SAMD5: variants seen among roughly 807,000 people sequenced by gnomAD.
The protein encoded by SAMD5 is sterile alpha motif domain-containing protein 5.
A neutral mutation model predicts 11.3 loss-of-function variants in SAMD5; 13 were observed. The ratio of observed to expected loss-of-function variants is 1.15; its 90% confidence interval spans 0.75 to 1.83. SAMD5 has a LOEUF of 1.83. SAMD5 is among the 40% of genes most tolerant of loss of function. SAMD5 has a pLI of 0.00. For synonymous variants in SAMD5, 129 were observed against 111.3 expected (o/e 1.16, Z -1.00); for missense variants, 255 against 239.1 (o/e 1.07, Z -0.44).
chr6:147,838,252 A>G, the SAMD5 span, among the ~76,000 whole-genome samples: 1 of 152,198 alleles, frequency 6.6e-6, no homozygotes, highest in African/African-American at 2.4e-5. Context: ...TAAATTAGCC[A>G]TCAAAAAGTT....
intron 1 of SAMD5, among the ~76,000 whole-genome samples, chr6:147,512,888 A>G (rs374339375): frequency 2.6e-5 from 4 of 152,316 alleles, no homozygotes; most frequent in South Asian, 4.1e-4. Flanking sequence ...TGAGAAGTAC[A>G]TGATACCATG....
chr6:147,509,211 C>G lies in SAMD5; in HGVS notation c.283C>G (p.Arg95Gly). The change falls in exon 1 of 2, where the codon CGG becomes GGG. Residue 95 changes from arginine to glycine, a missense_variant. By Grantham distance (125) the Arg-to-Gly change is moderately radical. Transcript: ENST00000367474. The part of the protein sequence containing the change: ...PPADAVPTGR[R>G]GEPCGGPAQG... ...CGCCGACGCCGTCCCCACCGGCCGC[C>G]GGGGGGAGCCGTGCGGCGGCCCGGC... 7.7e-7 allele frequency: 1 copy of G among 1,305,172 alleles called. No homozygotes were observed. The highest frequency in any genetic ancestry group is 2.6e-5 in the South Asian group (1 of 38,564). The allele number at this position is 1,305,172 out of a possible 1,614,324, so 80.8% of individuals were successfully genotyped here. A position where few individuals can be genotyped will look rare whatever the true frequency, so the allele number is the denominator to read the frequency against.
chr6:147,908,493 G>A, the SAMD5 span, among the ~76,000 whole-genome samples: 71,509 of 151,926 alleles, frequency 0.47, 17,704 homozygotes, highest in African/African-American at 0.63. Flanking sequence ...CTAACCTAAC[G>A]TGGTGCCTGC....
the SAMD5 span, among the ~76,000 whole-genome samples, chr6:147,824,512 G>A: frequency 0.18 from 27,768 of 151,996 alleles, 2,716 homozygotes; most frequent in Middle Eastern, 0.27. Context: ...GGTCCTCAGC[G>A]CTCCTTGATG....
Position 147,569,280 on chromosome 6 carries a change from G to A in SAMD5, c.*4824G>A, listed in dbSNP as rs768319626. 1 of 383,618 alleles carries A rather than the reference G, an allele frequency of 2.6e-6. No individual in the cohort carries two copies. Among genetic ancestry groups the A allele is most frequent in the African/African-American group, 2.2e-5 (1 of 44,516 alleles). The allele number at this position is 383,618 out of a possible 1,614,324, so 23.8% of individuals were successfully genotyped here. A position where few individuals can be genotyped will look rare whatever the true frequency, so the allele number is the denominator to read the frequency against. ...TGAAGAACATAACTTTTCTACTTAT[G>A]AAATAGATAATTTTTTAAAATTGTT... is the stretch of plus-strand genomic sequence containing the variant. On this transcript the variant is annotated 3_prime_UTR_variant, in exon 2 of 2. Coordinates refer to ENST00000367474, the MANE Select transcript of SAMD5 (RefSeq NM_001030060.3).
chr6:147,818,725 G>T, the SAMD5 span, among the ~76,000 whole-genome samples: 2 of 152,136 alleles, frequency 1.3e-5, no homozygotes, highest in African/African-American at 4.8e-5. Flanking sequence ...CTCTGGTCTG[G>T]AAAGAGACAG....
intron 1 of SAMD5, among the ~76,000 whole-genome samples, chr6:147,674,601 C>T (rs565701071): frequency 5.3e-5 from 8 of 152,144 alleles, no homozygotes; most frequent in Non-Finnish European, 7.3e-5. Flanking sequence ...GGTTCAGCTA[C>T]GGAGGATCCC....
the SAMD5 span, among the ~76,000 whole-genome samples, chr6:147,801,206 T>G: frequency 6.6e-6 from 1 of 152,150 alleles, no homozygotes. Context: ...AACCAGACAT[T>G]CCAGGTCAGA....
At chr6:147,512,141 A>G (rs1243440100) in intron 1 of SAMD5, among the ~76,000 whole-genome samples, 1 of 152,146 alleles carries the variant, frequency 6.6e-6, no homozygotes, top group Non-Finnish European at 1.5e-5. Flanking sequence ...TAGTTTTAGT[A>G]GAGACGGGGT....
the SAMD5 span, among the ~76,000 whole-genome samples, chr6:147,894,264 C>T: frequency 6.6e-6 from 1 of 152,028 alleles, no homozygotes; most frequent in Non-Finnish European, 1.5e-5. Context: ...GCTGGGACTA[C>T]AGGCGCACGC....
Position 147,566,665 on chromosome 6 carries a change from G to GA in SAMD5, c.*2213dup. On this transcript the variant is annotated 3_prime_UTR_variant, in exon 2 of 2. Coordinates refer to ENST00000367474, the MANE Select transcript of SAMD5 (RefSeq NM_001030060.3). ...CTCTCTGTGTCTGTGGTTAGAATTT[G>GA]AAAATAACAATGCTCTGCTTAAAGT... 1 of 983,724 alleles carries GA rather than the reference G, an allele frequency of 1.0e-6. No individual in the cohort carries two copies. Among genetic ancestry groups the GA allele is most frequent in the Non-Finnish European group, 1.2e-6 (1 of 828,252 alleles). 60.9% of individuals were successfully genotyped at this position (983,724 alleles called of 1,614,324 possible).
chr6:147,857,726 A>C, the SAMD5 span, among the ~76,000 whole-genome samples: 1 of 152,136 alleles, frequency 6.6e-6, no homozygotes, highest in African/African-American at 2.4e-5. Flanking sequence ...ATTAGGAATC[A>C]ACACTATAGA....
At chr6:147,756,068 A>C in the SAMD5 span, among the ~76,000 whole-genome samples, 1 of 152,118 alleles carries the variant, frequency 6.6e-6, no homozygotes, top group Non-Finnish European at 1.5e-5. Context: ...GGAAAGAATC[A>C]AAAACCATTT....
At chr6:147,862,361 A>G in the SAMD5 span, among the ~76,000 whole-genome samples, 4 of 152,142 alleles carry the variant, frequency 2.6e-5, no homozygotes, top group Non-Finnish European at 5.9e-5. Context: ...GACAGTTTCT[A>G]AGCCAAAGCT....
the SAMD5 span, among the ~76,000 whole-genome samples, chr6:147,874,503 T>C: frequency 2.0e-5 from 3 of 152,004 alleles, no homozygotes; most frequent in South Asian, 6.2e-4. Context: ...TCTTAGGGTG[T>C]TTGCTCAGGA....
At chr6:147,636,883 T>C (rs566219860) in intron 1 of SAMD5, among the ~76,000 whole-genome samples, 336 of 152,048 alleles carry the variant, frequency 2.2e-3, no homozygotes, top group Non-Finnish European at 3.8e-3. Flanking sequence ...TTCAAATACT[T>C]TTCAGTTCAG....
chr6:147,749,545 TAA>T, the SAMD5 span, among the ~76,000 whole-genome samples: 1 of 152,314 alleles, frequency 6.6e-6, no homozygotes, highest in Non-Finnish European at 1.5e-5. Flanking sequence ...TGTCATATTA[TAA>T]GTTTTCAGTA....
At chr6:147,952,631 C>T in the SAMD5 span, among the ~76,000 whole-genome samples, 2 of 152,190 alleles carry the variant, frequency 1.3e-5, no homozygotes. Flanking sequence ...CTGCCTCAGC[C>T]TCCCTAGTAG....
At chr6:147,901,388 G>A in the SAMD5 span, among the ~76,000 whole-genome samples, 1 of 152,198 alleles carries the variant, frequency 6.6e-6, no homozygotes, top group African/African-American at 2.4e-5. Flanking sequence ...TTCATCAGGT[G>A]TCATTCTTGA....
Sources: gnomAD v4.1 joint callset for allele counts (sites outside exome capture counted in the v4.1 genomes callset) on GRCh38, gnomAD v4.1.1 for gene constraint, MANE v1.5 for transcripts, NCBI Gene and HGNC (gene_info 2026-07-23, HGNC 2026-07-21) for gene names.